Variants in FOXP2 observed in about 807,000 individuals in gnomAD.
The protein encoded by FOXP2 is forkhead box P2.
Under a neutral mutation model 115.8 loss-of-function variants are expected in FOXP2, and 12 were observed. The observed-to-expected ratio is 0.10, with a 90% CI of 0.07 to 0.17. FOXP2 has a LOEUF of 0.17. Ranked by LOEUF, FOXP2 falls within the 10% of genes least tolerant of loss-of-function variation. The pLI is 1.00. For missense variants in FOXP2, 629 were observed against 843.5 expected (o/e 0.75, Z 3.15); for synonymous variants, 328 against 297.7 (o/e 1.10, Z -1.05).
intron 1 of FOXP2, among the ~76,000 whole-genome samples, chr7:114,417,834 A>T (rs559803508): frequency 5.9e-5 from 9 of 152,064 alleles, no homozygotes; most frequent in Non-Finnish European, 1.2e-4. Flanking sequence ...TGACAAATGC[A>T]TGCATTTTTG....
chr7:114,352,803 A>T (rs985516077), intron 2 of FOXP2, among the ~76,000 whole-genome samples: 2 of 151,920 alleles, frequency 1.3e-5, no homozygotes, highest in Non-Finnish European at 2.9e-5. Flanking sequence ...ATTTTTCTTG[A>T]GGGGTGGGTG....
chr7:114,607,163 A>G (rs1803377038), intron 3 of FOXP2, among the ~76,000 whole-genome samples: 1 of 152,214 alleles, frequency 6.6e-6, no homozygotes, highest in Non-Finnish European at 1.5e-5. Flanking sequence ...ATAAGGCCAC[A>G]GATGCAGAAC....
chr7:114,362,681 G>A (rs927437730), intron 2 of FOXP2, among the ~76,000 whole-genome samples: 2 of 151,964 alleles, frequency 1.3e-5, no homozygotes, highest in Non-Finnish European at 2.9e-5. Flanking sequence ...CTTCAGAAGT[G>A]GTGGCATTAA....
intron 2 of FOXP2, among the ~76,000 whole-genome samples, chr7:114,388,147 T>C (rs763207576): frequency 7.4e-4 from 112 of 152,312 alleles, no homozygotes; most frequent in Non-Finnish European, 1.3e-3. Context: ...TAGTCATATT[T>C]ATTTCACTTT....
intron 16 of FOXP2, among the ~76,000 whole-genome samples, chr7:114,676,075 A>ATTTTTTTTTTTTTTTT (rs11327459): frequency 1.3e-4 from 12 of 89,562 alleles, no homozygotes; most frequent in African/African-American, 3.9e-4. Flanking sequence ...AGGCCCGGCT[A>ATTTTTTTTTTTTTTTT]TTTTTTTTTT....
At chr7:114,234,331 C>T (rs1449580164) in intron 1 of FOXP2, among the ~76,000 whole-genome samples, 1 of 152,130 alleles carries the variant, frequency 6.6e-6, no homozygotes, top group African/African-American at 2.4e-5. Flanking sequence ...TTAGGTTTAT[C>T]TCAATGCAGG....
chr7:114,375,087 C>T (rs1792108813), intron 2 of FOXP2, among the ~76,000 whole-genome samples: 4 of 150,926 alleles, frequency 2.7e-5, no homozygotes, highest in South Asian at 2.1e-4. Flanking sequence ...TGGAATGGTA[C>T]GATTTTTGTA....
At position 114,659,632 on chromosome 7, in the gene FOXP2, C is replaced by T. The variant is rs765157455; in HGVS notation, c.1606C>T (p.Arg536Trp). 6.2e-6 allele frequency: 10 copies of T among 1,613,678 alleles called. No individual in the cohort carries two copies. The highest frequency in any genetic ancestry group is 5.5e-5 in the South Asian group (5 of 91,082). ...TLNEIYSWFT[R>W]TFAYFRRNAA... ...TAATGAAATTTACAGCTGGTTTACA[C>T]GGACATTTGCTTACTTCAGGCGTAA... The change falls in exon 13 of 17, where the codon CGG (arginine) becomes TGG (tryptophan). Residue 536 changes from arginine (R) to tryptophan (W), a missense_variant. Arg to Trp is a moderately radical substitution (Grantham distance 101). Transcript: ENST00000350908.
At chr7:114,331,226 T>G (rs1797703727) in intron 2 of FOXP2, among the ~76,000 whole-genome samples, 1 of 152,204 alleles carries the variant, frequency 6.6e-6, no homozygotes, top group South Asian at 2.1e-4. Context: ...GAATTACAAT[T>G]TAGTTTTATA....
intron 3 of FOXP2, among the ~76,000 whole-genome samples, chr7:114,591,154 T>C (rs897444412): frequency 2.0e-5 from 3 of 152,154 alleles, no homozygotes; most frequent in Non-Finnish European, 4.4e-5. Flanking sequence ...CATTAAACTC[T>C]GAATAAATGT....
intron 2 of FOXP2, among the ~76,000 whole-genome samples, chr7:114,385,049 C>G (rs1022801481): frequency 4.0e-5 from 6 of 151,698 alleles, no homozygotes; most frequent in South Asian, 2.1e-4. Flanking sequence ...TCTCTCCCCC[C>G]CTCTCTCTCT....
At chr7:114,514,471 C>T (rs544918367) in intron 2 of FOXP2, among the ~76,000 whole-genome samples, 1 of 48,332 alleles carries the variant, frequency 2.1e-5, no homozygotes, top group African/African-American at 2.8e-4. Flanking sequence ...ATTAGTTCAA[C>T]GTTTTTGGTT....
chr7:114,348,245 A>G (rs1191650279), intron 2 of FOXP2, among the ~76,000 whole-genome samples: 1 of 152,100 alleles, frequency 6.6e-6, no homozygotes, highest in Non-Finnish European at 1.5e-5. Flanking sequence ...GATCCCAATT[A>G]CAGAAATGTA....
chr7:114,494,783 G>GA (rs1044385967), intron 2 of FOXP2, among the ~76,000 whole-genome samples: 13 of 151,868 alleles, frequency 8.6e-5, no homozygotes, highest in East Asian at 3.9e-4. Flanking sequence ...AAATTTATAT[G>GA]AAAAAAACGC....
In FOXP2 at chr7:114,507,489, T is replaced by C. The variant is rs1797877516; in HGVS notation, c.169-27128T>C. On this transcript the variant is annotated intron_variant, in intron 2 of 16. Coordinates refer to ENST00000350908, the MANE Select transcript of FOXP2 (RefSeq NM_014491.4). The stretch of plus-strand genomic sequence containing the variant: ...CTTGGATCTGTAAATATATTCCTTA[T>C]CTCAAGGATAATGAGATGTTAAAAA... Among the ~76,000 whole-genome samples, 4 of 152,068 alleles carry C rather than the reference T, an allele frequency of 2.6e-5. No homozygotes were observed. In the South Asian group the frequency reaches 8.3e-4, roughly 32 times the overall value.
chr7:114,306,922 A>G (rs1310948167), intron 2 of FOXP2, among the ~76,000 whole-genome samples: 1 of 152,086 alleles, frequency 6.6e-6, no homozygotes, highest in Admixed American at 6.6e-5. Context: ...TACCTCTTCC[A>G]CATTTAGGTC....
intron 3 of FOXP2, among the ~76,000 whole-genome samples, chr7:114,578,538 T>C (rs547510512): frequency 6.6e-6 from 1 of 152,232 alleles, no homozygotes; most frequent in South Asian, 2.1e-4. Flanking sequence ...AGTTCTTTAG[T>C]CTTGACTCAT....
At chr7:114,676,647 T>C (rs1807783753) in intron 16 of FOXP2, among the ~76,000 whole-genome samples, 1 of 152,180 alleles carries the variant, frequency 6.6e-6, no homozygotes, top group Non-Finnish European at 1.5e-5. Context: ...ATCATATCTA[T>C]AGGGTTTTTT....
At chr7:114,311,921 TTTCACATCATAG>T (rs1797155349) in intron 2 of FOXP2, among the ~76,000 whole-genome samples, 1 of 152,182 alleles carries the variant, frequency 6.6e-6, no homozygotes, top group Non-Finnish European at 1.5e-5. Flanking sequence ...TGCTGCTGTA[TTTCACATCATAG>T]TTCTTAGTGC....
Sources: allele counts gnomAD v4.1 joint callset (sites outside exome capture counted in the v4.1 genomes callset), GRCh38; gene constraint gnomAD v4.1.1; transcripts MANE v1.5; gene names NCBI Gene and HGNC (gene_info 2026-07-23, HGNC 2026-07-21).